RNLS: variants seen among roughly 807,000 people sequenced by gnomAD.
RNLS encodes renalase, FAD dependent amine oxidase.
RNLS carries 39 observed loss-of-function variants against 39.8 expected under a neutral mutation model. The observed-to-expected ratio is 0.98, with a 90% CI of 0.76 to 1.28. The LOEUF (loss-of-function observed/expected upper bound fraction) is 1.28, where lower values mean the gene tolerates loss of function less well. Among genes scored for constraint, RNLS ranks in the 50% most tolerant of loss-of-function variants. RNLS has a pLI of 0.00. For missense variants in RNLS, 410 were observed against 413.3 expected, an observed-to-expected ratio of 0.99 and a Z score of 0.07; for synonymous variants, 147 against 150.7, an observed-to-expected ratio of 0.98 and a Z score of 0.18.
the RNLS span, among the ~76,000 whole-genome samples, chr10:88,171,556 T>C: frequency 1.3e-5 from 2 of 152,232 alleles, no homozygotes; most frequent in Admixed American, 1.3e-4. Flanking sequence ...TTTATTTTAT[T>C]ATTGTTAAAT....
the RNLS span, among the ~76,000 whole-genome samples, chr10:88,188,249 G>A: frequency 3.3e-5 from 5 of 152,088 alleles, no homozygotes; most frequent in Non-Finnish European, 7.4e-5. Context: ...TGGAGATGGG[G>A]TTTCACCATG....
intron 4 of RNLS, among the ~76,000 whole-genome samples, chr10:88,528,261 GACA>G (rs1383137466): frequency 6.6e-6 from 1 of 152,148 alleles, no homozygotes; most frequent in Non-Finnish European, 1.5e-5. Context: ...GAAGGTGGAA[GACA>G]ACAAATCAGT....
chr10:88,441,977 T>G (rs1334629298), intron 4 of RNLS, among the ~76,000 whole-genome samples: 1 of 152,108 alleles, frequency 6.6e-6, no homozygotes, highest in Non-Finnish European at 1.5e-5. Context: ...CGGGTTACTA[T>G]CCCCTATGGT....
In RNLS at chr10:88,284,147, T is replaced by C; in HGVS notation, c.*1207A>G. ...CAATTTATTGCTAAGAGGAAACATATAATAATATGCTATAGGGTCATAAAA... is the reference window on the plus strand; with the variant it reads ...CAATTTATTGCTAAGAGGAAACATACAATAATATGCTATAGGGTCATAAAA... On this transcript the variant is annotated 3_prime_UTR_variant, in exon 7 of 7. Transcript: ENST00000331772. 1.0e-5 allele frequency: 10 copies of C among 985,194 alleles called. No individual in the cohort carries two copies. The South Asian group carries it at 4.7e-4, about 46-fold the overall frequency. The allele number at this position is 985,194 out of a possible 1,614,324, so 61.0% of individuals were successfully genotyped here. A position where few individuals can be genotyped will look rare whatever the true frequency, so the allele number is the denominator to read the frequency against.
intron 4 of RNLS, among the ~76,000 whole-genome samples, chr10:88,549,843 A>G (rs1041938257): frequency 3.9e-5 from 6 of 152,234 alleles, no homozygotes; most frequent in African/African-American, 7.2e-5. Context: ...CACAAATTGA[A>G]ATCTGTTTTT....
chr10:88,250,827 C>T, the RNLS span, among the ~76,000 whole-genome samples: 1 of 152,144 alleles, frequency 6.6e-6, no homozygotes, highest in South Asian at 2.1e-4. Flanking sequence ...GAGATGTCAT[C>T]CTAGAAATAT....
At chr10:88,573,996 CTGGGTATGGTAG>C (rs1850011518) in intron 3 of RNLS, among the ~76,000 whole-genome samples, 1 of 151,278 alleles carries the variant, frequency 6.6e-6, no homozygotes, top group South Asian at 2.1e-4. Flanking sequence ...CAAAAACTAG[CTGGGTATGGTAG>C]TGCATGCCTG....
the RNLS span, among the ~76,000 whole-genome samples, chr10:88,202,500 C>T: frequency 6.6e-6 from 1 of 152,142 alleles, no homozygotes; most frequent in Non-Finnish European, 1.5e-5. Context: ...CACCCTGTAC[C>T]AGCCCTCCAT....
chr10:88,436,674 A>G (rs1004633959), intron 4 of RNLS, among the ~76,000 whole-genome samples: 1 of 152,222 alleles, frequency 6.6e-6, no homozygotes, highest in Non-Finnish European at 1.5e-5. Context: ...ATTTGTTTCT[A>G]TAAAACTATT....
At chr10:88,347,996 T>G (rs527693121) in intron 5 of RNLS, among the ~76,000 whole-genome samples, 2 of 152,296 alleles carry the variant, frequency 1.3e-5, no homozygotes, top group African/African-American at 4.8e-5. Flanking sequence ...AGCAGTTTTT[T>G]CACTACAGAA....
chr10:88,482,564 T>C (rs1005594648), intron 4 of RNLS, among the ~76,000 whole-genome samples: 4 of 152,172 alleles, frequency 2.6e-5, no homozygotes, highest in Admixed American at 1.3e-4. Flanking sequence ...TGTCATAATT[T>C]CCTATAATTC....
At chr10:88,335,192 T>C (rs1396561776) in intron 5 of RNLS, among the ~76,000 whole-genome samples, 6 of 152,138 alleles carry the variant, frequency 3.9e-5, no homozygotes, top group African/African-American at 1.2e-4. Flanking sequence ...CATTGACTTT[T>C]TGATTTGAGC....
intron 4 of RNLS, among the ~76,000 whole-genome samples, chr10:88,544,038 T>C (rs1232800601): frequency 1.3e-5 from 2 of 152,168 alleles, no homozygotes; most frequent in Admixed American, 6.6e-5. Context: ...GCTCAGTCAC[T>C]TATAAGCTCT....
At chr10:88,341,472 T>G (rs754499318) in intron 5 of RNLS, among the ~76,000 whole-genome samples, 8 of 151,698 alleles carry the variant, frequency 5.3e-5, no homozygotes, top group Non-Finnish European at 1.0e-4. Flanking sequence ...TATGTAGACA[T>G]AAGTACTTTC....
chr10:88,271,937 C>T (rs1401065664), downstream of RNLS, among the ~76,000 whole-genome samples: 1 of 152,182 alleles, frequency 6.6e-6, no homozygotes, highest in African/African-American at 2.4e-5. Context: ...TCTGTCATGT[C>T]TACCAGAGAA....
chr10:88,362,706 C>T lies in RNLS; in HGVS notation c.546G>A (p.Arg182=), dbSNP rs750692845. Residue 182 remains arginine, a synonymous_variant, in exon 5 of 7, where the codon AGG becomes AGA. Transcript: ENST00000331772. The part of the protein sequence containing the change: ...DITTLISECQ[R]QQLEAVSYSS... ...AGTAGCTCACAGCCTCCAGTTGCTG[C>T]CTTTGGCATTCACTAATTACTGTGG... 6.2e-7 allele frequency: 1 copy of T among 1,613,174 alleles called. No homozygotes were observed. Among genetic ancestry groups the T allele is most frequent in the Admixed American group, 1.7e-5 (1 of 59,788 alleles).
chr10:88,511,529 G>A lies in RNLS; in HGVS notation c.526+61374C>T, dbSNP rs181524043. ...TACCCAAGCTGAAGATGTGTGTTTG[G>A]GACTTAATGTCCTGAAACTGGATGA... On this transcript the variant is annotated intron_variant, in intron 4 of 6. Transcript: ENST00000331772. Among the ~76,000 whole-genome samples, 8 of 152,106 alleles carry A rather than the reference G, an allele frequency of 5.3e-5. No homozygotes were observed. In the East Asian group the frequency reaches 1.5e-3, roughly 29 times the overall value.
chr10:88,575,911 A>G (rs1209670245), intron 3 of RNLS, among the ~76,000 whole-genome samples: 2 of 152,190 alleles, frequency 1.3e-5, no homozygotes. Context: ...ACTACCGTCC[A>G]GTCATAATGA....
At chr10:88,282,478 TACACACACACAC>T (rs60829171), downstream of RNLS, among the ~76,000 whole-genome samples, 62,867 of 142,860 alleles carry the variant, frequency 0.44, 14,055 homozygotes, top group Admixed American at 0.49. Context: ...AAAGTGAAAA[TACACACACACAC>T]ACACACACAC....
Sources: gnomAD v4.1 joint callset for allele counts (sites outside exome capture counted in the v4.1 genomes callset) on GRCh38, gnomAD v4.1.1 for gene constraint, MANE v1.5 for transcripts, NCBI Gene and HGNC (gene_info 2026-07-23, HGNC 2026-07-21) for gene names.